Variants in PASK observed in about 807,000 individuals in gnomAD.
The protein encoded by PASK is PAS domain containing serine/threonine kinase, also known as PAS domain-containing serine/threonine-protein kinase.
In PASK, 110 loss-of-function variants were observed where a neutral mutation model predicts 121.0. The ratio of observed to expected loss-of-function variants is 0.91; its 90% CI spans 0.78 to 1.06. The LOEUF (loss-of-function observed/expected upper bound fraction) is 1.06. Ranked by LOEUF, PASK falls within the 50% of genes least tolerant of loss-of-function variation. The pLI is 0.00. For missense variants in PASK, 1,643 were observed against 1,702.3 expected (o/e 0.97, Z 0.61); for synonymous variants, 686 against 717.8 (o/e 0.96, Z 0.71).
chr2:241,139,049 G>C (rs990201419), intron 4 of PASK, among the ~76,000 whole-genome samples: 1 of 152,218 alleles, frequency 6.6e-6, no homozygotes, highest in South Asian at 2.1e-4. Context: ...GGTGAAAAAA[G>C]CAGTATCTGT....
chr2:241,149,339 G>A (rs2067164816), intron 1 of PASK, 75 bp downstream of exon 1: 1 of 264,120 alleles, frequency 3.8e-6, no homozygotes, highest in Non-Finnish European at 7.2e-6. Context: ...CAGGGGCGCG[G>A]AGCCGCGCAG....
In PASK at chr2:241,127,032, G is replaced by A. The variant is rs781211912; in HGVS notation, c.1883C>T (p.Pro628Leu). Residue 628 changes from proline to leucine, a missense_variant, in exon 10 of 18, where the codon CCC (proline) becomes CTC (leucine). Physicochemically the swap from Pro to Leu is moderately conservative, Grantham distance 98. Coordinates refer to ENST00000234040, the MANE Select transcript of PASK (RefSeq NM_015148.4). ...GAGGCCTGCCATCCCAGAGGGGCTG[G>A]GGGCCAAGTCCTGGCTTCGCCACCA... is the stretch of plus-strand genomic sequence containing the variant. The part of the protein sequence containing the change: ...GLWWRSQDLA[P>L]SPSGMAGLSF... The A allele has an allele frequency of 9.9e-6, 16 of 1,614,048 alleles. No individual in the cohort carries two copies. Among genetic ancestry groups the A allele is most frequent in the Middle Eastern group, 1.6e-4 (1 of 6,084 alleles).
intron 15 of PASK, among the ~76,000 whole-genome samples, chr2:241,110,506 C>A (rs2065064427): frequency 6.6e-6 from 1 of 152,222 alleles, no homozygotes; most frequent in African/African-American, 2.4e-5. Flanking sequence ...GAGCAGTACA[C>A]CGCTCACAGC....
chr2:241,134,215 A>G (rs1270236405), intron 8 of PASK: 2 of 152,150 alleles, frequency 1.3e-5, no homozygotes, highest in Non-Finnish European at 2.9e-5. Flanking sequence ...CCCCACCACC[A>G]AATATCCGAC....
In PASK at chr2:241,110,531, C is replaced by T. The variant is rs372981385; in HGVS notation, c.3533+1709G>A. ...CCGCTCACAGCCAGAAAGGAGAGGC[C>T]AGGAGGCAGGGCAGAGCCCTGGCAG... is the stretch of plus-strand genomic sequence containing the variant. On this transcript the variant is annotated intron_variant, in intron 15 of 17. Transcript: ENST00000234040. 1.4e-4 allele frequency among the ~76,000 whole-genome samples: 22 copies of T among 152,358 alleles called. No individual in the cohort carries two copies. In the East Asian group the frequency reaches 3.9e-3, roughly 27 times the overall value.
intron 8 of PASK, among the ~76,000 whole-genome samples, chr2:241,135,538 C>A (rs2066370767): frequency 6.6e-6 from 1 of 152,116 alleles, no homozygotes; most frequent in Admixed American, 6.5e-5. Flanking sequence ...ACTTAAACTA[C>A]ATGAAGCTAT....
chr2:241,146,250 T>A (rs556894697), intron 1 of PASK, among the ~76,000 whole-genome samples: 2 of 152,224 alleles, frequency 1.3e-5, no homozygotes, highest in Non-Finnish European at 2.9e-5. Context: ...CAAAAAGGAT[T>A]TGGATCAACA....
chr2:241,130,970 G>A (rs2066099277), intron 9 of PASK, among the ~76,000 whole-genome samples: 2 of 152,208 alleles, frequency 1.3e-5, no homozygotes, highest in South Asian at 2.1e-4. Context: ...ACACATAGAA[G>A]TATAATATAC....
intron 7 of PASK, among the ~76,000 whole-genome samples, 162 bp downstream of exon 7, chr2:241,136,842 A>G (rs891389705): frequency 7.2e-5 from 11 of 152,222 alleles, no homozygotes; most frequent in Non-Finnish European, 1.6e-4. Flanking sequence ...CTTGGCAGCC[A>G]TGAGCAGGGA....
chr2:241,137,293 A>G, intron 6 of PASK, 29 bp from the exon 7 acceptor site: 1 of 1,609,014 alleles, frequency 6.2e-7, no homozygotes, highest in Middle Eastern at 1.7e-4. Flanking sequence ...GTTTGGCTTA[A>G]GCCGTGTTTC....
At chr2:241,127,655 A>G (rs993066915) in intron 9 of PASK, 5 of 608,660 alleles carry the variant, frequency 8.2e-6, no homozygotes, top group African/African-American at 7.4e-5. Flanking sequence ...TTTAGAAATG[A>G]TTTTGCAGAG....
chr2:241,143,063 C>T lies in PASK; in HGVS notation c.-31G>A, dbSNP rs1553616855. 6.6e-7 allele frequency: 1 copy of T among 1,505,676 alleles called. No individual in the cohort carries two copies. Among genetic ancestry groups the T allele is most frequent in the Non-Finnish European group, 9.2e-7 (1 of 1,082,082 alleles). The allele number at this position is 1,505,676 out of a possible 1,614,324, so 93.3% of individuals were successfully genotyped here. On this transcript the variant is annotated 5_prime_UTR_variant, in exon 2 of 18. Coordinates refer to ENST00000234040, the MANE Select transcript of PASK (RefSeq NM_015148.4). Reference sequence around the variant, plus strand: ...GAAGGGAGGCCAACTGCCAAGCTTCCAACTCTAACAACTAGAAAACAACAT... The same window carrying T: ...GAAGGGAGGCCAACTGCCAAGCTTCTAACTCTAACAACTAGAAAACAACAT...
At chr2:241,131,241 C>A (rs1167636249) in intron 9 of PASK, among the ~76,000 whole-genome samples, 1 of 151,942 alleles carries the variant, frequency 6.6e-6, no homozygotes, top group Non-Finnish European at 1.5e-5. Flanking sequence ...CTCCGCCTCC[C>A]AGGTTCACAC....
Position 241,127,020 on chromosome 2 carries a change from C to T in PASK, c.1895G>A (p.Gly632Glu). 6.2e-7 allele frequency: 1 copy of T among 1,614,222 alleles called. No individual in the cohort carries two copies. Among genetic ancestry groups the T allele is most frequent in the Non-Finnish European group, 8.5e-7 (1 of 1,180,048 alleles). Residue 632 changes from glycine (G) to glutamate (E), a missense_variant, in exon 10 of 18, where the codon GGG becomes GAG. Gly to Glu is a moderately conservative substitution (Grantham distance 98). Transcript: ENST00000234040. ...RSQDLAPSPS[G>E]MAGLSFGTPT... ...TGTCCCAAACGAGAGGCCTGCCATC[C>T]CAGAGGGGCTGGGGGCCAAGTCCTG... is the stretch of plus-strand genomic sequence containing the variant.
rs1304632897 is a variant in PASK, at chr2:241,139,978, C to T, written c.507G>A (p.Gln169=). The part of the protein sequence containing the change: ...SQDLIGQKLT[Q]FFLRSDSDVV... ...CATCAGAATCTGACCTCAGAAAGAA[C>T]TGCGTGAGCTTCTGGCCAATCAGGT... The change falls in exon 4 of 18, where the codon CAG becomes CAA. Residue 169 remains glutamine (Q), a synonymous_variant. Coordinates refer to ENST00000234040, the MANE Select transcript of PASK (RefSeq NM_015148.4). 1 of 1,614,090 alleles carries T rather than the reference C, an allele frequency of 6.2e-7. No individual in the cohort carries two copies. The highest frequency in any genetic ancestry group is 8.5e-7 in the Non-Finnish European group (1 of 1,179,908).
chr2:241,146,155 C>T (rs920872235), intron 1 of PASK, among the ~76,000 whole-genome samples: 2 of 152,170 alleles, frequency 1.3e-5, no homozygotes, highest in South Asian at 2.1e-4. Context: ...TAGGAACAAG[C>T]GTTTTACAGG....
chr2:241,127,761 A>C, intron 9 of PASK: 1 of 401,452 alleles, frequency 2.5e-6, no homozygotes, highest in Non-Finnish European at 4.7e-6. Flanking sequence ...ACCCCCCGTC[A>C]GCCGTGCAGC....
At chr2:241,128,389 T>C (rs13353344) in intron 9 of PASK, among the ~76,000 whole-genome samples, 5,257 of 152,228 alleles carry the variant, frequency 0.035, 323 homozygotes, top group African/African-American at 0.12. Flanking sequence ...CAGCACATGG[T>C]GACCCATGAG....
Position 241,138,801 on chromosome 2 carries a change from A to C in PASK, c.601-7T>G. On this transcript the variant is annotated splice_polypyrimidine_tract_variant and splice_region_variant and intron_variant, in intron 4 of 17. Transcript: ENST00000234040. ...TACGGCTGATGATGTCCACCTGTGG[A>C]AACAGACAGGTTCACACCTGCATGC... The C allele has an allele frequency of 6.2e-7, 1 of 1,613,894 alleles. No homozygotes were observed. Among genetic ancestry groups the C allele is most frequent in the Non-Finnish European group, 8.5e-7 (1 of 1,180,018 alleles).
Sources: allele counts gnomAD v4.1 joint callset (sites outside exome capture counted in the v4.1 genomes callset), GRCh38; gene constraint gnomAD v4.1.1; transcripts MANE v1.5; gene names NCBI Gene and HGNC (gene_info 2026-07-23, HGNC 2026-07-21).